The following ABCC3 variants were observed in gnomAD, a reference collection of about 807,000 sequenced individuals.
ABCC3 encodes ATP-binding cassette sub-family C member 3.
A neutral mutation model predicts 165.3 loss-of-function variants in ABCC3; 121 were observed. The ratio of observed to expected loss-of-function variants is 0.73; its 90% CI spans 0.63 to 0.85. The LOEUF (loss-of-function observed/expected upper bound fraction) is 0.85. Among genes scored for constraint, ABCC3 ranks in the 40% least tolerant of loss-of-function variants. The pLI, the probability that ABCC3 is intolerant of heterozygous loss-of-function variation, is 0.00. For missense variants in ABCC3, 1,869 were observed against 1,964.1 expected, an observed-to-expected ratio of 0.95 and a Z score of 0.92; for synonymous variants, 733 against 810.1, an observed-to-expected ratio of 0.90 and a Z score of 1.62.
In ABCC3 at chr17:50,675,752, G is replaced by A. The variant is rs911919939; in HGVS notation, c.2836G>A (p.Glu946Lys). 1.9e-6 allele frequency: 3 copies of A among 1,564,954 alleles called. No individual in the cohort carries two copies. Among genetic ancestry groups the A allele is most frequent in the Admixed American group, 3.9e-5 (2 of 51,846 alleles). Residue 946 changes from glutamate to lysine, a missense_variant, in exon 21 of 31, where the codon GAG becomes AAG. Coordinates refer to ENST00000285238, the MANE Select transcript of ABCC3 (RefSeq NM_003786.4). ...GAAGGCAGATGGGGCACTGACCCAG[G>A]AGGAGAAAGCAGCCATTGGCACTGT... ...EAKADGALTQEEKAAIGTVEL... is the reference protein window; with the variant it reads ...EAKADGALTQKEKAAIGTVEL...
chr17:50,640,729 G>A (rs1055670888), intron 1 of ABCC3, among the ~76,000 whole-genome samples: 8 of 152,142 alleles, frequency 5.3e-5, no homozygotes, highest in Admixed American at 5.2e-4. Flanking sequence ...CGTCATGTTG[G>A]CCAGGCTGGT....
rs571050559 is a variant in ABCC3, at chr17:50,683,862, A to T, written c.3955-87A>T. On this transcript the variant is annotated intron_variant, in intron 27 of 30. Coordinates refer to ENST00000285238, the MANE Select transcript of ABCC3 (RefSeq NM_003786.4). The stretch of plus-strand genomic sequence containing the variant: ...TTGAGAGCACAAGTGCTCCAGCCAC[A>T]TGTTTGTTCGGCCTCCAGGAGAGTC... 9.9e-5 allele frequency: 154 copies of T among 1,562,066 alleles called. 1 individual carries two copies. The East Asian group carries it at 1.1e-3, about 11-fold the overall frequency.
At chr17:50,679,955 G>A in intron 26 of ABCC3, 56 bp downstream of exon 26, 1 of 1,429,628 alleles carries the variant, frequency 7.0e-7, no homozygotes, top group Non-Finnish European at 9.8e-7. Flanking sequence ...GGGGAAGAAA[G>A]CTTGGTGGCT....
chr17:50,659,726 T>C (rs1967335792), intron 7 of ABCC3, among the ~76,000 whole-genome samples: 1 of 152,206 alleles, frequency 6.6e-6, no homozygotes. Flanking sequence ...GGCTCACAGC[T>C]GTAATCCTAA....
intron 1 of ABCC3, among the ~76,000 whole-genome samples, chr17:50,640,983 G>C (rs73344347): frequency 0.086 from 13,146 of 152,192 alleles, 625 homozygotes; most frequent in South Asian, 0.13. Flanking sequence ...TCCTTCTCCA[G>C]TACCACACAG....
intron 27 of ABCC3, 78 bp from the exon 28 acceptor site, chr17:50,683,871 C>G: frequency 6.4e-7 from 1 of 1,562,460 alleles, no homozygotes; most frequent in Non-Finnish European, 8.7e-7. Context: ...CATGTTTGTT[C>G]GGCCTCCAGG....
In ABCC3 at chr17:50,636,822, T is replaced by C. The variant is rs138688180; in HGVS notation, c.45+1841T>C. On this transcript the variant is annotated intron_variant, in intron 1 of 30. Coordinates refer to ENST00000285238, the MANE Select transcript of ABCC3 (RefSeq NM_003786.4). ...CCTCTGGCTCTACCTTAACATGGGA[T>C]TGTGGAATCCAAGAAAGTGGGAGCT... 2.2e-4 allele frequency among the ~76,000 whole-genome samples: 34 copies of C among 152,320 alleles called. No individual in the cohort carries two copies. In the East Asian group the frequency reaches 6.6e-3, roughly 29 times the overall value.
chr17:50,644,259 C>T (rs1382764539), intron 1 of ABCC3, among the ~76,000 whole-genome samples: 4 of 120,872 alleles, frequency 3.3e-5, no homozygotes, highest in African/African-American at 9.5e-5. Context: ...TGCAGTGAGC[C>T]AAGGTCACAC....
At chr17:50,643,573 C>T (rs774526693) in intron 1 of ABCC3, 17 of 456,208 alleles carry the variant, frequency 3.7e-5, no homozygotes, top group Non-Finnish European at 6.6e-5. Context: ...CCTGACTCAC[C>T]AAGGCCCTCA....
Position 50,687,701 on chromosome 17 carries a change from C to G in ABCC3, c.4446C>G (p.His1482Gln), listed in dbSNP as rs1458443071. 1 of 1,614,114 alleles carries G rather than the reference C, an allele frequency of 6.2e-7. No homozygotes were observed. The highest frequency in any genetic ancestry group is 1.3e-5 in the African/African-American group (1 of 74,926). Reference sequence around the variant, plus strand: ...CCTGCACTGTCCTGACCATCGCACACCGGCTTAACACTATCATGGACTACA... The same window carrying G: ...CCTGCACTGTCCTGACCATCGCACAGCGGCTTAACACTATCATGGACTACA... ...FDTCTVLTIA[H>Q]RLNTIMDYTR... Residue 1482 changes from histidine to glutamine, a missense_variant, in exon 30 of 31, where the codon CAC (histidine) becomes CAG (glutamine). His to Gln is a conservative substitution (Grantham distance 24, BLOSUM62 0). Transcript: ENST00000285238.
intron 4 of ABCC3, 148 bp from the exon 5 acceptor site, chr17:50,657,934 C>T: frequency 3.6e-6 from 4 of 1,100,842 alleles, no homozygotes; most frequent in South Asian, 1.5e-5. Context: ...TTCCTCATCT[C>T]TCAGAGTCCT....
chr17:50,661,710 A>G (rs1371159978), intron 8 of ABCC3, among the ~76,000 whole-genome samples: 1 of 152,216 alleles, frequency 6.6e-6, no homozygotes, highest in African/African-American at 2.4e-5. Flanking sequence ...GCTCGATACT[A>G]GGGATACAGA....
intron 26 of ABCC3, among the ~76,000 whole-genome samples, chr17:50,681,268 C>G (rs1171528883): frequency 6.6e-6 from 1 of 152,158 alleles, no homozygotes; most frequent in Non-Finnish European, 1.5e-5. Flanking sequence ...CCTGACACCT[C>G]CATAAAAAGT....
chr17:50,683,765 G>T lies in ABCC3; in HGVS notation c.3954+9G>T, dbSNP rs11568592. 3.2e-3 allele frequency: 5,191 copies of T among 1,601,634 alleles called. 14 individuals are homozygous for T. The highest frequency in any genetic ancestry group is 3.1e-3 in the Non-Finnish European group (3,677 of 1,175,664). Reference sequence around the variant, plus strand: ...TGCACGGTGGCGAGAAGGTACGCGTGGGGTAGGCGGGCCTGCGTGTGTGTT... The same window carrying T: ...TGCACGGTGGCGAGAAGGTACGCGTTGGGTAGGCGGGCCTGCGTGTGTGTT... On this transcript the variant is annotated intron_variant, in intron 27 of 30. Transcript: ENST00000285238.
chr17:50,663,793 T>C lies in ABCC3; in HGVS notation c.1111T>C (p.Tyr371His). ...GCAGTCGCTGATCTTACAACACTAT[T>C]ACCACTACATCTTTGTGACTGGGGT... ...MMQSLILQHY[Y>H]HYIFVTGVKF... The change falls in exon 9 of 31, where the codon TAC becomes CAC. Residue 371 changes from tyrosine to histidine, a missense_variant. Coordinates refer to ENST00000285238, the MANE Select transcript of ABCC3 (RefSeq NM_003786.4). 1 of 1,614,180 alleles carries C rather than the reference T, an allele frequency of 6.2e-7. No homozygotes were observed. Among genetic ancestry groups the C allele is most frequent in the Non-Finnish European group, 8.5e-7 (1 of 1,180,028 alleles).
At chr17:50,656,644 C>T in intron 2 of ABCC3, 58 bp from the exon 3 acceptor site, 1 of 1,550,662 alleles carries the variant, frequency 6.4e-7, no homozygotes. Context: ...GACCCCTTCC[C>T]AGTGAGGACT....
chr17:50,673,971 T>C (rs1567835524), intron 19 of ABCC3, among the ~76,000 whole-genome samples: 24 of 14,654 alleles, frequency 1.6e-3, no homozygotes, highest in Admixed American at 5.3e-3. Flanking sequence ...TTTCTTTCTT[T>C]CTTTCTTTCT....
Position 50,684,108 on chromosome 17 carries a change from G to T in ABCC3, c.4113+1G>T, listed in dbSNP as rs1405433074. On this transcript the variant is annotated splice_donor_variant, in intron 28 of 30. Transcript: ENST00000285238. LOFTEE classifies it high-confidence loss of function. ...CTCTCAGCTGACCATCATCCCGCAG[G>T]TAGGAGCCTGGCATGGGCTGGCCAC... 6.2e-7 allele frequency: 1 copy of T among 1,612,578 alleles called. No individual in the cohort carries two copies. The highest frequency in any genetic ancestry group is 1.1e-5 in the South Asian group (1 of 91,000).
chr17:50,654,725 G>C (rs1967187521), intron 1 of ABCC3, among the ~76,000 whole-genome samples: 1 of 152,176 alleles, frequency 6.6e-6, no homozygotes, highest in Non-Finnish European at 1.5e-5. Flanking sequence ...CCTGACCCGG[G>C]AAAGGCCTTA....
Sources: allele counts gnomAD v4.1 joint callset (sites outside exome capture counted in the v4.1 genomes callset), GRCh38; gene constraint gnomAD v4.1.1; transcripts MANE v1.5; gene names NCBI Gene and HGNC (gene_info 2026-07-23, HGNC 2026-07-21).